Variants in DNAH14 observed in about 807,000 individuals in gnomAD.
DNAH14 encodes the protein dynein axonemal heavy chain 14.
A neutral mutation model predicts 520.9 loss-of-function variants in DNAH14; 478 were observed. The ratio of observed to expected loss-of-function variants is 0.92; its 90% CI spans 0.85 to 0.99. The LOEUF is 0.99. Ranked by LOEUF, DNAH14 falls within the 50% of genes least tolerant of loss-of-function variation. The probability of loss-of-function intolerance (pLI) is 0.00; values close to 1 mark genes in which losing one functional copy is unlikely to be tolerated. For synonymous variants in DNAH14, 1,581 were observed against 1,757.2 expected, an observed-to-expected ratio of 0.90 and a Z score of 2.51; for missense variants, 4,831 against 5,234.5, an observed-to-expected ratio of 0.92 and a Z score of 2.38.
chr1:225,338,012 A>G, intron 67 of DNAH14, 49 bp from the exon 68 acceptor site: 9 of 1,471,764 alleles, frequency 6.1e-6, no homozygotes, highest in Non-Finnish European at 8.1e-6. Flanking sequence ...TTTTTCAACC[A>G]ATTTGTTTTA....
At chr1:224,978,057 TTGG>T (rs2061992479) in intron 8 of DNAH14, among the ~76,000 whole-genome samples, 1 of 152,214 alleles carries the variant, frequency 6.6e-6, no homozygotes, top group East Asian at 1.9e-4. Flanking sequence ...TTATACACTG[TTGG>T]TGGGAATGTA....
chr1:225,144,556 C>A lies in DNAH14; in HGVS notation c.4668C>A (p.His1556Gln), dbSNP rs1261989204. 1.3e-6 allele frequency: 2 copies of A among 1,551,398 alleles called. No individual in the cohort carries two copies. Among genetic ancestry groups the A allele is most frequent in the Admixed American group, 3.9e-5 (2 of 50,944 alleles). The stretch of plus-strand genomic sequence containing the variant: ...GGCTGACTCTCATGGAAGCACTACA[C>A]TTGAATCTAGGAGGCTGTCCTGCCG... Reference protein sequence around the residue: ...RCWLTLMEALHLNLGGCPAGP... With the variant: ...RCWLTLMEALQLNLGGCPAGP... Residue 1556 changes from histidine (H) to glutamine (Q), a missense_variant, in exon 29 of 86, where the codon CAC becomes CAA. His to Gln is a conservative substitution (Grantham distance 24). Transcript: ENST00000682510.
chr1:225,375,411 G>C (rs1415521467), intron 78 of DNAH14, among the ~76,000 whole-genome samples: 1 of 152,194 alleles, frequency 6.6e-6, no homozygotes, highest in Non-Finnish European at 1.5e-5. Context: ...ACCTTAGACT[G>C]TAGAGGGTTG....
intron 1 of DNAH14, among the ~76,000 whole-genome samples, chr1:224,947,225 C>T (rs1317798980): frequency 6.6e-6 from 1 of 152,108 alleles, no homozygotes; most frequent in African/African-American, 2.4e-5. Context: ...ACCTCATCTA[C>T]ATTTGGTACT....
At chr1:225,320,318 G>A (rs962444275) in intron 61 of DNAH14, among the ~76,000 whole-genome samples, 1 of 152,126 alleles carries the variant, frequency 6.6e-6, no homozygotes, top group Non-Finnish European at 1.5e-5. Context: ...CTGGCATAAG[G>A]CAAATGCTCA....
At chr1:225,352,308 G>A (rs188226916) in intron 72 of DNAH14, among the ~76,000 whole-genome samples, 170 of 151,998 alleles carry the variant, frequency 1.1e-3, no homozygotes, top group African/African-American at 3.9e-3. Flanking sequence ...ACTCTCCTCC[G>A]TTTTTCGCTA....
chr1:225,340,619 G>A lies in DNAH14; in HGVS notation c.10596G>A (p.Lys3532=), dbSNP rs1020807220. 1.3e-6 allele frequency: 2 copies of A among 1,551,412 alleles called. No individual in the cohort carries two copies. Among genetic ancestry groups the A allele is most frequent in the Non-Finnish European group, 1.7e-6 (2 of 1,146,864 alleles). ...EVPHLEDQRS[K]LLESISLDAI... is the part of the protein sequence containing the mutation. ...CTCATTTAGAAGATCAACGTTCCAA[G>A]TTACTGGAGAGTATTTCCCTTGATG... Residue 3532 remains lysine, a synonymous_variant, in exon 69 of 86, where the codon AAG becomes AAA. Transcript: ENST00000682510.
chr1:225,261,109 T>C (rs1238086389), intron 46 of DNAH14, among the ~76,000 whole-genome samples: 1 of 152,218 alleles, frequency 6.6e-6, no homozygotes, highest in Non-Finnish European at 1.5e-5. Flanking sequence ...ACCTCTTCTT[T>C]TCCTATTTGT....
intron 17 of DNAH14, among the ~76,000 whole-genome samples, chr1:225,052,669 A>G (rs2068656081): frequency 1.3e-5 from 2 of 152,306 alleles, no homozygotes; most frequent in South Asian, 4.1e-4. Flanking sequence ...AATTTTCTAG[A>G]AAAAGTAGTA....
intron 31 of DNAH14, among the ~76,000 whole-genome samples, chr1:225,150,906 T>C (rs1348514151): frequency 6.6e-6 from 1 of 152,016 alleles, no homozygotes; most frequent in Non-Finnish European, 1.5e-5. Context: ...AGGTGGGGTT[T>C]TACCATGTTG....
chr1:225,078,843 CCTCTCTCTCTCTCTCCCTCT>C (rs2072699959), intron 17 of DNAH14, among the ~76,000 whole-genome samples: 3 of 52,126 alleles, frequency 5.8e-5, no homozygotes, highest in East Asian at 5.2e-4. Context: ...TCTCTCTCTC[CCTCTCTCTCTCTCTCCCTCT>C]CTCTCTCTCT....
At chr1:225,127,325 A>T (rs1234468927) in intron 27 of DNAH14, among the ~76,000 whole-genome samples, 3 of 151,418 alleles carry the variant, frequency 2.0e-5, no homozygotes, top group East Asian at 1.9e-4. Context: ...GTCTCCCATT[A>T]TTATTGTGTG....
intron 66 of DNAH14, among the ~76,000 whole-genome samples, chr1:225,334,988 T>C (rs1375318433): frequency 6.7e-6 from 1 of 150,234 alleles, no homozygotes; most frequent in Non-Finnish European, 1.5e-5. Flanking sequence ...ACTATACATA[T>C]ATACTATATA....
intron 19 of DNAH14, among the ~76,000 whole-genome samples, chr1:225,081,959 A>G (rs2073169848): frequency 6.6e-6 from 1 of 152,050 alleles, no homozygotes; most frequent in South Asian, 2.1e-4. Flanking sequence ...ATGTTCTTCC[A>G]TATTTACCAA....
At chr1:225,139,486 T>C (rs879565221) in intron 27 of DNAH14, among the ~76,000 whole-genome samples, 1 of 152,202 alleles carries the variant, frequency 6.6e-6, no homozygotes, top group Non-Finnish European at 1.5e-5. Flanking sequence ...CTCTTGCACT[T>C]CTACGTATGT....
intron 17 of DNAH14, among the ~76,000 whole-genome samples, chr1:225,069,574 A>C (rs1423899130): frequency 6.6e-6 from 1 of 152,070 alleles, no homozygotes; most frequent in Non-Finnish European, 1.5e-5. Flanking sequence ...ATGGTGGATA[A>C]GCCTTTTCAG....
chr1:225,172,148 C>G (rs2082759274), intron 36 of DNAH14, among the ~76,000 whole-genome samples: 1 of 152,150 alleles, frequency 6.6e-6, no homozygotes, highest in African/African-American at 2.4e-5. Context: ...AAACCCACAG[C>G]CAATATCATA....
rs1319121685 is a variant in DNAH14, at chr1:224,974,134, A to G, written c.811A>G (p.Ile271Val). The G allele has an allele frequency of 6.7e-7, 1 of 1,498,366 alleles. No individual in the cohort carries two copies. The highest frequency in any genetic ancestry group is 1.4e-5 in the African/African-American group (1 of 71,560). The allele number at this position is 1,498,366 out of a possible 1,614,324, so 92.8% of individuals were successfully genotyped here. A position where few individuals can be genotyped will look rare whatever the true frequency, so the allele number is the denominator to read the frequency against. ...FVTWKLNVKR[I>V]KTEKSRSFLY... ...TACCTGGAAATTGAATGTTAAAAGA[A>G]TTAAGACAGAGAAGAGCAGGTAAGT... Residue 271 changes from isoleucine (I) to valine (V), a missense_variant, in exon 8 of 86, where the codon ATT becomes GTT. Coordinates refer to ENST00000682510, the MANE Select transcript of DNAH14 (RefSeq NM_001367479.1).
At chr1:224,983,398 A>G (rs1317581366) in intron 8 of DNAH14, among the ~76,000 whole-genome samples, 3 of 152,172 alleles carry the variant, frequency 2.0e-5, no homozygotes, top group African/African-American at 7.2e-5. Flanking sequence ...ATACAGGGAT[A>G]TACCTTAATG....
Sources: allele counts gnomAD v4.1 joint callset (sites outside exome capture counted in the v4.1 genomes callset), GRCh38; gene constraint gnomAD v4.1.1; transcripts MANE v1.5; gene names NCBI Gene and HGNC (gene_info 2026-07-23, HGNC 2026-07-21).